Variants in DAB1 observed in about 807,000 individuals in gnomAD.
DAB1 encodes the protein DAB adaptor protein 1.
DAB1 carries 15 observed loss-of-function variants against 64.6 expected under a neutral mutation model. That is an observed-to-expected ratio of 0.23 (90% CI 0.16 to 0.36). The LOEUF (loss-of-function observed/expected upper bound fraction) is 0.36, where lower values mean the gene tolerates loss of function less well. DAB1 is among the 10% of genes least tolerant of loss of function. The pLI is 1.00. For synonymous variants in DAB1, 235 were observed against 251.9 expected, an observed-to-expected ratio of 0.93 and a Z score of 0.64; for missense variants, 596 against 706.7, an observed-to-expected ratio of 0.84 and a Z score of 1.78.
At chr1:57,938,718 G>A (rs1645061928) in intron 5 of DAB1, among the ~76,000 whole-genome samples, 1 of 105,844 alleles carries the variant, frequency 9.4e-6, no homozygotes, top group Admixed American at 9.7e-5. Flanking sequence ...ACACCCTACA[G>A]TACTAAAACA....
intron 1 of DAB1, among the ~76,000 whole-genome samples, chr1:57,322,139 T>C (rs1675776165): frequency 6.6e-6 from 1 of 152,180 alleles, no homozygotes; most frequent in Non-Finnish European, 1.5e-5. Context: ...AGTCATGTAC[T>C]TGCCACATCC....
intron 7 of DAB1, among the ~76,000 whole-genome samples, chr1:57,434,878 G>A (rs891069671): frequency 1.3e-5 from 2 of 152,026 alleles, no homozygotes; most frequent in African/African-American, 4.8e-5. Flanking sequence ...TACTATGAAT[G>A]GAGATTTTAG....
chr1:57,640,754 T>G (rs1048736159), intron 7 of DAB1, among the ~76,000 whole-genome samples: 1 of 152,192 alleles, frequency 6.6e-6, no homozygotes, highest in Non-Finnish European at 1.5e-5. Context: ...GAACATTACC[T>G]TCAATGGGAC....
rs1268916905 is a variant in DAB1 at position 57,584,076 on chromosome 1, G to GT, written n.625+65515dup. On this transcript the variant is annotated intron_variant and non_coding_transcript_variant, in intron 7 of 20. Coordinates refer to the DAB1 transcript ENST00000485760. ...AAACCTAACTTAGGAGTATGCGCCT[G>GT]TAACAATAGCTGAGTCTTGGCCAGT... Among the ~76,000 whole-genome samples the GT allele has an allele frequency of 5.9e-5, 9 of 152,182 alleles. No individual in the cohort carries two copies. The East Asian group carries it at 1.7e-3, about 29-fold the overall frequency.
intron 4 of DAB1, among the ~76,000 whole-genome samples, chr1:57,091,846 G>A (rs1473990457): frequency 2.0e-5 from 3 of 152,156 alleles, no homozygotes; most frequent in Non-Finnish European, 1.5e-5. Flanking sequence ...CTAAGTGTGT[G>A]GTTTTTGTTT....
intron 1 of DAB1, among the ~76,000 whole-genome samples, chr1:57,331,488 G>C (rs1272762030): frequency 6.6e-6 from 1 of 152,146 alleles, no homozygotes; most frequent in African/African-American, 2.4e-5. Context: ...GAAACACATG[G>C]CTTCACCATT....
chr1:57,346,312 G>A (rs1678094026), intron 1 of DAB1, among the ~76,000 whole-genome samples: 1 of 152,180 alleles, frequency 6.6e-6, no homozygotes, highest in South Asian at 2.1e-4. Context: ...GAGCTTACAA[G>A]CCTTCTACAC....
At chr1:57,320,141 C>T (rs968787044) in intron 1 of DAB1, among the ~76,000 whole-genome samples, 28 of 152,122 alleles carry the variant, frequency 1.8e-4, no homozygotes, top group Non-Finnish European at 3.5e-4. Flanking sequence ...CGAATTGTGT[C>T]AAGGGAAGGA....
chr1:57,692,020 A>C (rs1646770595), intron 6 of DAB1, among the ~76,000 whole-genome samples: 1 of 152,018 alleles, frequency 6.6e-6, no homozygotes, highest in Admixed American at 6.6e-5. Flanking sequence ...ACCAGCTTCC[A>C]CTTTTCCTGT....
intron 7 of DAB1, among the ~76,000 whole-genome samples, chr1:57,596,308 ATT>A (rs34515954): frequency 0.24 from 36,416 of 152,064 alleles, 4,779 homozygotes; most frequent in East Asian, 0.3. Flanking sequence ...TTCAGGTGTT[ATT>A]TTAATTGTCA....
At chr1:58,118,535 A>T (rs1427392059) in intron 5 of DAB1, among the ~76,000 whole-genome samples, 2 of 121,192 alleles carry the variant, frequency 1.7e-5, no homozygotes, top group Admixed American at 9.3e-5. Context: ...TATATATATA[A>T]AATACATATA....
chr1:58,218,291 G>C (rs1458938850), intron 4 of DAB1, among the ~76,000 whole-genome samples: 1 of 152,156 alleles, frequency 6.6e-6, no homozygotes, highest in Non-Finnish European at 1.5e-5. Flanking sequence ...TGGGATGAGG[G>C]TCAGAGCAGG....
chr1:57,316,219 T>A (rs1675195076), intron 1 of DAB1, among the ~76,000 whole-genome samples: 1 of 152,214 alleles, frequency 6.6e-6, no homozygotes, highest in African/African-American at 2.4e-5. Context: ...ATTTTGTACA[T>A]AATCCAATTT....
intron 2 of DAB1, among the ~76,000 whole-genome samples, chr1:57,174,324 G>GT (rs1185571162): frequency 6.6e-6 from 1 of 152,100 alleles, no homozygotes; most frequent in African/African-American, 2.4e-5. Flanking sequence ...TCCCCTAGAA[G>GT]TTATGCCAAT....
intron 1 of DAB1, among the ~76,000 whole-genome samples, chr1:57,309,577 G>C (rs1674495807): frequency 6.6e-6 from 1 of 152,050 alleles, no homozygotes; most frequent in East Asian, 1.9e-4. Context: ...AGCATTCTAG[G>C]AAACATTTTC....
intron 3 of DAB1, among the ~76,000 whole-genome samples, chr1:58,394,181 C>T (rs1644499850): frequency 6.6e-6 from 1 of 152,072 alleles, no homozygotes; most frequent in Non-Finnish European, 1.5e-5. Flanking sequence ...ATGATTGCAC[C>T]ATAGCATGGT....
At chr1:57,016,513 C>T (rs889517805) in intron 11 of DAB1, among the ~76,000 whole-genome samples, 4 of 151,696 alleles carry the variant, frequency 2.6e-5, no homozygotes, top group Admixed American at 1.3e-4. Context: ...ATCACTTGAG[C>T]CCAAGAGTTT....
At chr1:57,196,007 G>A (rs939769539) in intron 2 of DAB1, among the ~76,000 whole-genome samples, 1 of 152,096 alleles carries the variant, frequency 6.6e-6, no homozygotes, top group Non-Finnish European at 1.5e-5. Flanking sequence ...GCAACAGAAA[G>A]CAGTCAGTGC....
intron 2 of DAB1, among the ~76,000 whole-genome samples, chr1:58,515,719 T>C (rs1000388369): frequency 2.6e-5 from 4 of 152,214 alleles, no homozygotes; most frequent in Non-Finnish European, 5.9e-5. Context: ...GATACTTTGC[T>C]GTGATGAAAG....
Sources: allele counts gnomAD v4.1 joint callset (sites outside exome capture counted in the v4.1 genomes callset), GRCh38; gene constraint gnomAD v4.1.1; transcripts MANE v1.5; gene names NCBI Gene and HGNC (gene_info 2026-07-23, HGNC 2026-07-21).